Variants in TUBGCP4 observed in about 807,000 individuals in gnomAD.
The protein encoded by TUBGCP4 is tubulin gamma complex component 4.
A neutral mutation model predicts 91.6 loss-of-function variants in TUBGCP4; 54 were observed. The ratio of observed to expected loss-of-function variants is 0.59; its 90% CI spans 0.47 to 0.74. The LOEUF (loss-of-function observed/expected upper bound fraction) is 0.74, where lower values mean the gene tolerates loss of function less well. Among genes scored for constraint, TUBGCP4 ranks in the 30% least tolerant of loss-of-function variants. The probability of loss-of-function intolerance (pLI) is 0.00; values close to 1 mark genes in which losing one functional copy is unlikely to be tolerated. For synonymous variants in TUBGCP4, 297 were observed against 302.8 expected, an observed-to-expected ratio of 0.98 and a Z score of 0.20; for missense variants, 593 against 800.9, an observed-to-expected ratio of 0.74 and a Z score of 3.13.
At chr15:43,400,010 T>A in intron 13 of TUBGCP4, 34 bp from the exon 14 acceptor site, 1 of 1,571,828 alleles carries the variant, frequency 6.4e-7, no homozygotes, top group East Asian at 2.3e-5. Context: ...GGGATGAAAT[T>A]TTTGTCTTGA....
rs2044438079 is a variant in TUBGCP4 at position 43,389,873 on chromosome 15, ACT to A, written c.1014+3545_1014+3546del. 2.0e-5 allele frequency among the ~76,000 whole-genome samples: 3 copies of A among 151,640 alleles called. No homozygotes were observed. The South Asian group carries it at 6.2e-4, about 31-fold the overall frequency. ...CAGGCAAGAGAGCTTCTGTAGGGGC[ACT>A]CCCCTTTATAAAATACTATAAAAAT... On this transcript the variant is annotated intron_variant, in intron 9 of 17. Coordinates refer to ENST00000564079, the MANE Select transcript of TUBGCP4 (RefSeq NM_014444.5).
intron 1 of TUBGCP4, 86 bp downstream of exon 1, chr15:43,371,518 A>C (rs997893708): frequency 7.2e-7 from 1 of 1,386,340 alleles, no homozygotes; most frequent in Non-Finnish European, 1.0e-6. Flanking sequence ...TGAGGGACCT[A>C]GCGAGCGGGG....
chr15:43,371,301 A>C lies in TUBGCP4; in HGVS notation c.-54A>C. On this transcript the variant is annotated 5_prime_UTR_variant, in exon 1 of 18. Coordinates refer to ENST00000564079, the MANE Select transcript of TUBGCP4 (RefSeq NM_014444.5). ...AAGCACTCCCCTCGTGGTCGCCTGG[A>C]GGTGCGCTGGAGGAGGGGGTGACAT... The C allele has an allele frequency of 6.4e-7, 1 of 1,567,402 alleles. No individual in the cohort carries two copies.
intron 12 of TUBGCP4, 22 bp from the exon 13 acceptor site, chr15:43,398,006 ATCTTTTCTTTTTT>A (rs760590893): frequency 2.5e-6 from 4 of 1,587,668 alleles, no homozygotes; most frequent in South Asian, 2.3e-5. Flanking sequence ...CCAAGTTGTT[ATCTTTTCTTTTTT>A]TCTTTTCTTT....
chr15:43,385,289 T>C (rs2044338314), intron 7 of TUBGCP4: 1 of 453,564 alleles, frequency 2.2e-6, no homozygotes, highest in African/African-American at 2.0e-5. Context: ...TCTGTACATT[T>C]GTCTGGAAGA....
rs1032400927 is a variant in TUBGCP4, at chr15:43,407,118, G to T, written c.*1904G>T. On this transcript the variant is annotated 3_prime_UTR_variant, in exon 18 of 18. Transcript: ENST00000564079. ...CAATTTCCTTGGCCAGCTGTCCTCC[G>T]TAAGTGAATAAGCCTGTTGAAAGAC... The T allele has an allele frequency of 2.7e-6, 1 of 375,798 alleles. No homozygotes were observed. The highest frequency in any genetic ancestry group is 2.0e-5 in the African/African-American group (1 of 49,352). The allele number at this position is 375,798 out of a possible 1,614,324, so 23.3% of individuals were successfully genotyped here. A position where few individuals can be genotyped will look rare whatever the true frequency, so the allele number is the denominator to read the frequency against.
At chr15:43,399,081 G>T (rs1486570664) in intron 13 of TUBGCP4, 6 of 1,211,388 alleles carry the variant, frequency 5.0e-6, no homozygotes, top group Non-Finnish European at 5.4e-6. Context: ...TCCAAACAAG[G>T]TCTATCATTT....
chr15:43,395,578 C>G lies in TUBGCP4; in HGVS notation c.1066-5C>G, dbSNP rs1384617181. ...CTGAATTGTAAATTGAAATTCTTTC[C>G]TCAGATCATTAAAGACTTTTACCTT... On this transcript the variant is annotated splice_region_variant and splice_polypyrimidine_tract_variant and intron_variant, in intron 10 of 17. Transcript: ENST00000564079. The G allele has an allele frequency of 5.6e-6, 9 of 1,609,980 alleles. No individual in the cohort carries two copies. The highest frequency in any genetic ancestry group is 7.6e-6 in the Non-Finnish European group (9 of 1,176,472).
chr15:43,399,623 G>T (rs2044634484), intron 13 of TUBGCP4, among the ~76,000 whole-genome samples: 2 of 152,192 alleles, frequency 1.3e-5, no homozygotes, highest in South Asian at 4.1e-4. Context: ...CGGGATTATA[G>T]GCATGAGCCA....
At chr15:43,385,665 C>T in intron 7 of TUBGCP4, 126 bp from the exon 8 acceptor site, 1 of 962,962 alleles carries the variant, frequency 1.0e-6, no homozygotes, top group Non-Finnish European at 1.6e-6. Flanking sequence ...GAGAACTGTG[C>T]AACACCAGAT....
intron 6 of TUBGCP4, among the ~76,000 whole-genome samples, chr15:43,382,458 C>T (rs1243808195): frequency 1.3e-5 from 2 of 152,146 alleles, no homozygotes; most frequent in African/African-American, 4.8e-5. Flanking sequence ...AACCGTCCCC[C>T]TTGCCTTTTG....
chr15:43,403,572 G>C, intron 15 of TUBGCP4, 111 bp from the exon 16 acceptor site: 1 of 792,246 alleles, frequency 1.3e-6, no homozygotes, highest in Non-Finnish European at 2.1e-6. Flanking sequence ...GTCAGATTTG[G>C]GAGGTCAGCT....
rs2045038408 is a variant in TUBGCP4 at position 43,409,434 on chromosome 15, A to AG, written c.*4220_*4221insG. The AG allele has an allele frequency of 1.1e-5, 6 of 537,994 alleles. No homozygotes were observed. Among genetic ancestry groups the AG allele is most frequent in the Non-Finnish European group, 2.0e-5 (6 of 304,790 alleles). 33.3% of individuals were successfully genotyped at this position (537,994 alleles called of 1,614,324 possible). A position where few individuals can be genotyped will look rare whatever the true frequency, so the allele number is the denominator to read the frequency against. On this transcript the variant is annotated 3_prime_UTR_variant, in exon 18 of 18. Transcript: ENST00000564079. Reference sequence around the variant, plus strand: ...AATCTTCTTTTGTCCCAGCAACAGAACCATAGCCATTAACTAACCCAAGGT... The same window carrying AG: ...AATCTTCTTTTGTCCCAGCAACAGAAGCCATAGCCATTAACTAACCCAAGGT...
chr15:43,395,183 T>TA (rs1347885950), intron 10 of TUBGCP4, 26 bp downstream of exon 10: 1 of 1,613,356 alleles, frequency 6.2e-7, no homozygotes, highest in African/African-American at 1.3e-5. Flanking sequence ...TTGTAATTCT[T>TA]ACGGTGATGC....
chr15:43,383,149 TGA>T (rs2044308674), intron 6 of TUBGCP4, among the ~76,000 whole-genome samples, 152 bp from the exon 7 acceptor site: 1 of 152,222 alleles, frequency 6.6e-6, no homozygotes, highest in Non-Finnish European at 1.5e-5. Flanking sequence ...GGAAATTCAG[TGA>T]GTTAGTTCAC....
rs750746186 is a variant in TUBGCP4, at chr15:43,408,722, A to G, written c.*3508A>G. 1.2e-4 allele frequency: 73 copies of G among 634,242 alleles called. No individual in the cohort carries two copies. Among genetic ancestry groups the G allele is most frequent in the Non-Finnish European group, 1.9e-4 (70 of 369,188 alleles). 39.3% of individuals were successfully genotyped at this position (634,242 alleles called of 1,614,324 possible). ...CACATTTGCAAAAGGTTCCTAGCCA[A>G]TGTAACCTAGGGAAATAAACTAGAT... On this transcript the variant is annotated 3_prime_UTR_variant, in exon 18 of 18. Transcript: ENST00000564079.
intron 9 of TUBGCP4, chr15:43,394,079 C>T (rs1259231231): frequency 8.1e-6 from 1 of 123,194 alleles, no homozygotes; most frequent in African/African-American, 3.1e-5. Flanking sequence ...AATATTTTCT[C>T]ACTATTTTTT....
chr15:43,397,146 AAG>A, intron 11 of TUBGCP4, 66 bp from the exon 12 acceptor site: 1 of 1,101,852 alleles, frequency 9.1e-7, no homozygotes, highest in Non-Finnish European at 1.4e-6. Context: ...GAGAAGTGGA[AAG>A]CTGGAGGAGT....
intron 7 of TUBGCP4, among the ~76,000 whole-genome samples, chr15:43,384,090 G>T (rs193028360): frequency 3.3e-4 from 51 of 152,258 alleles, no homozygotes; most frequent in Admixed American, 2.6e-3. Flanking sequence ...GGGATTACAG[G>T]CATGAGCCAC....
Sources: gnomAD v4.1 joint callset for allele counts (sites outside exome capture counted in the v4.1 genomes callset) on GRCh38, gnomAD v4.1.1 for gene constraint, MANE v1.5 for transcripts, NCBI Gene and HGNC (gene_info 2026-07-23, HGNC 2026-07-21) for gene names.